The following NFIB variants were observed in gnomAD, a reference collection of about 807,000 sequenced individuals.
NFIB encodes nuclear factor I B.
NFIB carries 11 observed loss-of-function variants against 61.5 expected under a neutral mutation model. That is an observed-to-expected ratio of 0.18 (90% confidence interval 0.11 to 0.30). The LOEUF is 0.30. Ranked by LOEUF, NFIB falls within the 10% of genes least tolerant of loss-of-function variation. The probability of loss-of-function intolerance (pLI) is 1.00; values close to 1 mark genes in which losing one functional copy is unlikely to be tolerated. For synonymous variants in NFIB, 260 were observed against 216.5 expected (o/e 1.20, Z -1.76); for missense variants, 471 against 608.9 (o/e 0.77, Z 2.38).
At chr9:14,496,882 T>G in the NFIB span, among the ~76,000 whole-genome samples, 6 of 152,240 alleles carry the variant, frequency 3.9e-5, no homozygotes, top group Non-Finnish European at 8.8e-5. Flanking sequence ...TGGTCTACGC[T>G]TCCTGCTTAG....
At chr9:14,485,313 A>G in the NFIB span, among the ~76,000 whole-genome samples, 3 of 152,136 alleles carry the variant, frequency 2.0e-5, no homozygotes, top group African/African-American at 7.2e-5. Flanking sequence ...TTTATATTTA[A>G]TCTAAACCCC....
the NFIB span, among the ~76,000 whole-genome samples, chr9:14,467,460 G>C: frequency 6.6e-6 from 1 of 152,108 alleles, no homozygotes; most frequent in African/African-American, 2.4e-5. Flanking sequence ...GATGAAAATA[G>C]GCTTAGGGCT....
chr9:14,251,575 G>T (rs946977183), intron 2 of NFIB, among the ~76,000 whole-genome samples: 4 of 152,216 alleles, frequency 2.6e-5, no homozygotes, highest in African/African-American at 9.6e-5. Context: ...CAGTCATTCA[G>T]GTTACTGCAA....
chr9:14,365,248 A>G (rs1184296882), intron 1 of NFIB, among the ~76,000 whole-genome samples: 1 of 152,218 alleles, frequency 6.6e-6, no homozygotes, highest in Non-Finnish European at 1.5e-5. Flanking sequence ...AAATAAGATG[A>G]TTATTTCAGA....
rs762726429 is a variant in NFIB at position 14,146,712 on chromosome 9, C to T, written c.902G>A (p.Arg301Gln). 10 of 1,612,560 alleles carry T rather than the reference C, an allele frequency of 6.2e-6. No homozygotes were observed. Among genetic ancestry groups the T allele is most frequent in the Admixed American group, 3.3e-5 (2 of 59,780 alleles). ...PSPSSPAAGSRTWHERDQDMS... is the reference protein window; with the variant it reads ...PSPSSPAAGSQTWHERDQDMS... The stretch of plus-strand genomic sequence containing the variant: ...ACCTTGATCTCTTTCGTGCCATGTT[C>T]GACTTCCAGCAGCTGGTGAACTTGG... The change falls in exon 6 of 11, where the codon CGA becomes CAA. Residue 301 changes from arginine (R) to glutamine (Q), a missense_variant. Around this residue, in one of 2 missense-constraint regions of NFIB, gnomAD observed 372 missense variants for 395.6 expected, o/e 0.94. Coordinates refer to ENST00000380953, the MANE Select transcript of NFIB (RefSeq NM_001190737.2).
intron 1 of NFIB, among the ~76,000 whole-genome samples, chr9:14,375,212 G>C (rs2061403929): frequency 6.6e-6 from 1 of 152,118 alleles, no homozygotes; most frequent in South Asian, 2.1e-4. Context: ...AGAGCCCTAG[G>C]CTCTTTCTAT....
chr9:14,193,511 T>C (rs1390858893), intron 2 of NFIB, among the ~76,000 whole-genome samples: 1 of 152,172 alleles, frequency 6.6e-6, no homozygotes. Context: ...GAAAGAGAAA[T>C]GACTTCAACA....
Position 14,125,769 on chromosome 9 carries a change from G to A in NFIB, c.926-3C>T. The A allele has an allele frequency of 6.2e-7, 1 of 1,613,256 alleles. No individual in the cohort carries two copies. On this transcript the variant is annotated splice_region_variant and splice_polypyrimidine_tract_variant and intron_variant, in intron 6 of 10. Transcript: ENST00000380953. ...CATAGTAGTCGGAGAAGACATATCT[G>A]CGAGAAACAGAGAAAAACCCAAAGC...
the NFIB span, among the ~76,000 whole-genome samples, chr9:14,438,433 T>C: frequency 2.0e-5 from 3 of 152,214 alleles, no homozygotes; most frequent in African/African-American, 4.8e-5. Flanking sequence ...TTCAGAATTC[T>C]TGTAACCACA....
At chr9:14,298,398 A>G (rs1451239170) in intron 2 of NFIB, among the ~76,000 whole-genome samples, 1 of 152,186 alleles carries the variant, frequency 6.6e-6, no homozygotes, top group African/African-American at 2.4e-5. Context: ...GAAACCATAA[A>G]TATAAAAAGC....
Position 14,349,428 on chromosome 9 carries a change from C to T in NFIB, c.109-41908G>A, listed in dbSNP as rs2061078169. Among the ~76,000 whole-genome samples, 6 of 152,172 alleles carry T rather than the reference C, an allele frequency of 3.9e-5. No homozygotes were observed. In the South Asian group the frequency reaches 1.2e-3, roughly 32 times the overall value. On this transcript the variant is annotated intron_variant, in intron 1 of 8. Coordinates refer to the NFIB transcript ENST00000380934. Reference sequence around the variant, plus strand: ...AGACTGGGTTCAACCGGGAAATTTTCCCCGAGACGCCAAAGGCATTCCGCG... The same window carrying T: ...AGACTGGGTTCAACCGGGAAATTTTTCCCGAGACGCCAAAGGCATTCCGCG...
At chr9:14,319,774 C>G (rs568308417) in intron 1 of NFIB, among the ~76,000 whole-genome samples, 148 of 152,324 alleles carry the variant, frequency 9.7e-4, no homozygotes, top group African/African-American at 3.2e-3. Context: ...ACCCCTTTCT[C>G]TCATTTCTTC....
chr9:14,531,521 T>A, the NFIB span, among the ~76,000 whole-genome samples: 2 of 152,032 alleles, frequency 1.3e-5, no homozygotes, highest in Admixed American at 1.3e-4. Context: ...CAATACACTA[T>A]CTAAATCATT....
chr9:14,291,079 T>C (rs958184154), intron 2 of NFIB, among the ~76,000 whole-genome samples: 6 of 152,152 alleles, frequency 3.9e-5, no homozygotes, highest in Non-Finnish European at 8.8e-5. Context: ...AATACTCTAA[T>C]ATCTCTGTTT....
At chr9:14,468,626 G>A in the NFIB span, among the ~76,000 whole-genome samples, 3 of 152,176 alleles carry the variant, frequency 2.0e-5, no homozygotes, top group Admixed American at 6.5e-5. Context: ...TCTGGAACAC[G>A]AGATGATATT....
At chr9:14,222,550 C>T (rs2051805135) in intron 2 of NFIB, among the ~76,000 whole-genome samples, 1 of 152,116 alleles carries the variant, frequency 6.6e-6, no homozygotes, top group Non-Finnish European at 1.5e-5. Flanking sequence ...CACCTATAAT[C>T]CCAGCACTTT....
chr9:14,270,915 C>G (rs2057561124), intron 2 of NFIB, among the ~76,000 whole-genome samples: 1 of 152,114 alleles, frequency 6.6e-6, no homozygotes, highest in Non-Finnish European at 1.5e-5. Context: ...TCCGTAGGCC[C>G]TTCAAAAATT....
At chr9:14,204,890 G>T in intron 2 of NFIB, 1 of 363,142 alleles carries the variant, frequency 2.8e-6, no homozygotes, top group South Asian at 3.0e-5. Context: ...AGGGGCTTTG[G>T]TTAAGCTGGT....
the NFIB span, among the ~76,000 whole-genome samples, chr9:14,517,574 G>A: frequency 6.6e-6 from 1 of 151,696 alleles, no homozygotes; most frequent in African/African-American, 2.4e-5. Context: ...TCACTATAAT[G>A]AAATCCTTGT....
Sources: allele counts gnomAD v4.1 joint callset (sites outside exome capture counted in the v4.1 genomes callset), GRCh38; gene constraint gnomAD v4.1.1; regional missense constraint gnomAD v4.1.1; transcripts MANE v1.5; gene names NCBI Gene and HGNC (gene_info 2026-07-23, HGNC 2026-07-21).